The following SYN3 variants were observed in gnomAD, a reference collection of about 807,000 sequenced individuals.
SYN3 encodes the protein synapsin-3.
Under a neutral mutation model 65.8 loss-of-function variants are expected in SYN3, and 35 were observed. That is an observed-to-expected ratio of 0.53 (90% CI 0.41 to 0.70). SYN3 has a LOEUF of 0.70. Among genes scored for constraint, SYN3 ranks in the 30% least tolerant of loss-of-function variants. The pLI, the probability that SYN3 is intolerant of heterozygous loss-of-function variation, is 0.00. For synonymous variants in SYN3, 270 were observed against 292.9 expected (o/e 0.92, Z 0.80); for missense variants, 680 against 749.0 (o/e 0.91, Z 1.08).
chr22:32,909,655 T>C (rs920264387), intron 4 of SYN3, among the ~76,000 whole-genome samples: 2 of 112,884 alleles, frequency 1.8e-5, no homozygotes, highest in Admixed American at 2.6e-4. Flanking sequence ...CAGCTGAAAT[T>C]TGGCCGGCTC....
At chr22:32,810,372 G>A (rs1236115661) in intron 6 of SYN3, among the ~76,000 whole-genome samples, 2 of 152,162 alleles carry the variant, frequency 1.3e-5, no homozygotes, top group Non-Finnish European at 2.9e-5. Flanking sequence ...TGGCATTCAC[G>A]GCTTGGAGAC....
intron 6 of SYN3, among the ~76,000 whole-genome samples, chr22:32,606,906 C>T (rs2059380326): frequency 6.6e-6 from 1 of 151,552 alleles, no homozygotes; most frequent in African/African-American, 2.4e-5. Flanking sequence ...ATGTGCACAA[C>T]GTGCAGGTTT....
At chr22:32,905,177 A>T (rs2049867826) in intron 4 of SYN3, among the ~76,000 whole-genome samples, 1 of 152,234 alleles carries the variant, frequency 6.6e-6, no homozygotes, top group African/African-American at 2.4e-5. Flanking sequence ...TCACTTAGTC[A>T]TTGAAATGAA....
At chr22:32,641,217 G>A (rs993174828) in intron 6 of SYN3, among the ~76,000 whole-genome samples, 2 of 152,204 alleles carry the variant, frequency 1.3e-5, no homozygotes, top group African/African-American at 2.4e-5. Context: ...GATCTGAACC[G>A]TGGAGCTCAC....
chr22:33,017,887 G>A (rs1270596221), intron 1 of SYN3, among the ~76,000 whole-genome samples: 1 of 152,028 alleles, frequency 6.6e-6, no homozygotes. Flanking sequence ...GGAGAGAGAA[G>A]TGTATAAGCA....
chr22:32,881,187 G>GGCA (rs2049124413), intron 4 of SYN3, among the ~76,000 whole-genome samples: 2 of 152,218 alleles, frequency 1.3e-5, no homozygotes. Context: ...GCTGTTCCTC[G>GGCA]GCAGCGGCTG....
chr22:32,939,416 T>C (rs901863526), intron 3 of SYN3, among the ~76,000 whole-genome samples: 2 of 152,216 alleles, frequency 1.3e-5, no homozygotes, highest in African/African-American at 2.4e-5. Flanking sequence ...TTTAAGTTTA[T>C]AGCTTGATGA....
intron 7 of SYN3, among the ~76,000 whole-genome samples, chr22:32,572,359 TTCC>T (rs2058778309): frequency 2.0e-5 from 2 of 98,882 alleles, no homozygotes; most frequent in African/African-American, 9.5e-5. Context: ...CTTCCCTTAC[TTCC>T]CTTCCACCCT....
intron 6 of SYN3, among the ~76,000 whole-genome samples, chr22:32,674,859 C>T (rs955209763): frequency 3.0e-4 from 45 of 152,266 alleles, no homozygotes; most frequent in African/African-American, 1.0e-3. Flanking sequence ...GTACCAGACA[C>T]CAAAACTTGC....
intron 4 of SYN3, among the ~76,000 whole-genome samples, chr22:32,881,802 T>C (rs1056426053): frequency 6.6e-6 from 1 of 152,120 alleles, no homozygotes; most frequent in Non-Finnish European, 1.5e-5. Flanking sequence ...ACGCCTGTAA[T>C]CCCAGCATTT....
intron 6 of SYN3, among the ~76,000 whole-genome samples, chr22:32,689,604 C>T (rs1270486542): frequency 6.6e-6 from 1 of 152,172 alleles, no homozygotes; most frequent in Non-Finnish European, 1.5e-5. Flanking sequence ...ACAAAAGTTA[C>T]AGCAGCTTCT....
intron 6 of SYN3, among the ~76,000 whole-genome samples, chr22:32,851,228 G>A (rs189828653): frequency 1.1e-4 from 17 of 152,260 alleles, no homozygotes; most frequent in Admixed American, 3.3e-4. Flanking sequence ...GAAAACACAC[G>A]AACCTGCCTG....
intron 6 of SYN3, among the ~76,000 whole-genome samples, chr22:32,690,442 T>A (rs2060647013): frequency 6.6e-6 from 1 of 152,226 alleles, no homozygotes; most frequent in Non-Finnish European, 1.5e-5. Context: ...ACCTCCTCTC[T>A]GACTCTCTTC....
At chr22:32,752,982 C>T (rs2045177415) in intron 6 of SYN3, among the ~76,000 whole-genome samples, 1 of 152,186 alleles carries the variant, frequency 6.6e-6, no homozygotes, top group African/African-American at 2.4e-5. Context: ...CCCAGAACCA[C>T]TGAAACCACC....
At chr22:32,969,801 A>T (rs773111573) in intron 3 of SYN3, among the ~76,000 whole-genome samples, 1 of 152,140 alleles carries the variant, frequency 6.6e-6, no homozygotes, top group Non-Finnish European at 1.5e-5. Context: ...CTCAACAAAC[A>T]TTCATTGCAT....
intron 6 of SYN3, among the ~76,000 whole-genome samples, chr22:32,597,163 A>G (rs1042930919): frequency 6.7e-6 from 1 of 149,262 alleles, no homozygotes; most frequent in Non-Finnish European, 1.5e-5. Flanking sequence ...AGTGAATGGA[A>G]GCTTAATTAT....
chr22:32,731,100 C>T (rs2061264657), intron 6 of SYN3, among the ~76,000 whole-genome samples: 2 of 152,210 alleles, frequency 1.3e-5, no homozygotes, highest in Admixed American at 6.5e-5. Flanking sequence ...CAGGACATAT[C>T]TGCCTCATCC....
intron 6 of SYN3, among the ~76,000 whole-genome samples, chr22:32,805,973 G>A (rs1403720923): frequency 2.0e-5 from 3 of 151,974 alleles, no homozygotes; most frequent in African/African-American, 7.2e-5. Context: ...GTATCATAGA[G>A]GAAAATTCTA....
intron 6 of SYN3, among the ~76,000 whole-genome samples, chr22:32,852,059 C>A (rs1365883286): frequency 6.6e-6 from 1 of 152,198 alleles, no homozygotes; most frequent in African/African-American, 2.4e-5. Flanking sequence ...ATTTACTGAG[C>A]AATTGCTTAG....
Sources: allele counts gnomAD v4.1 joint callset (sites outside exome capture counted in the v4.1 genomes callset), GRCh38; gene constraint gnomAD v4.1.1; transcripts MANE v1.5; gene names NCBI Gene and HGNC (gene_info 2026-07-23, HGNC 2026-07-21).